GABRA4: variants seen among roughly 807,000 people sequenced by gnomAD.
GABRA4 encodes the protein gamma-aminobutyric acid receptor subunit alpha-4.
GABRA4 carries 12 observed loss-of-function variants against 49.7 expected under a neutral mutation model. The observed-to-expected ratio is 0.24, with a 90% CI of 0.15 to 0.39. The LOEUF is 0.39. Ranked by LOEUF, GABRA4 falls within the 10% of genes least tolerant of loss-of-function variation. GABRA4 has a pLI of 1.00. For missense variants in GABRA4, 506 were observed against 686.0 expected (o/e 0.74, Z 2.93); for synonymous variants, 288 against 240.2 (o/e 1.20, Z -1.84).
chr4:46,986,520 T>A (rs927503930), intron 2 of GABRA4, among the ~76,000 whole-genome samples: 2 of 152,100 alleles, frequency 1.3e-5, no homozygotes, highest in African/African-American at 4.8e-5. Context: ...TTAAGTCTTC[T>A]TGGGACAAAG....
intron 8 of GABRA4, among the ~76,000 whole-genome samples, chr4:46,936,513 G>C (rs1040990639): frequency 6.6e-6 from 1 of 152,140 alleles, no homozygotes; most frequent in Admixed American, 6.5e-5. Context: ...GCCTCCCAAA[G>C]TGCTGGGATT....
intron 8 of GABRA4, among the ~76,000 whole-genome samples, chr4:46,945,319 T>C (rs1721945630): frequency 6.6e-6 from 1 of 152,102 alleles, no homozygotes; most frequent in African/African-American, 2.4e-5. Context: ...GGTCAACTCC[T>C]ACATCAACCT....
intron 8 of GABRA4, among the ~76,000 whole-genome samples, chr4:46,930,191 G>T (rs1385132443): frequency 6.6e-6 from 1 of 152,004 alleles, no homozygotes; most frequent in African/African-American, 2.4e-5. Flanking sequence ...GGGTGCAGTT[G>T]AACTAATGAG....
At chr4:46,956,766 C>T (rs1722382405) in intron 8 of GABRA4, among the ~76,000 whole-genome samples, 1 of 151,930 alleles carries the variant, frequency 6.6e-6, no homozygotes, top group South Asian at 2.1e-4. Context: ...TTTTTGAAAA[C>T]TGGGGAAAAA....
At chr4:46,992,667 GTCT>G in intron 2 of GABRA4, 158 bp downstream of exon 2, 1 of 630,464 alleles carries the variant, frequency 1.6e-6, no homozygotes, top group Non-Finnish European at 2.9e-6. Flanking sequence ...GGTGGAGGCG[GTCT>G]TCTTGTCATA....
intron 2 of GABRA4, 36 bp downstream of exon 2, chr4:46,992,792 G>T: frequency 1.4e-6 from 2 of 1,432,788 alleles, no homozygotes; most frequent in Non-Finnish European, 2.0e-6. Flanking sequence ...GAGAGGGACA[G>T]ACAGGACACA....
intron 5 of GABRA4, among the ~76,000 whole-genome samples, chr4:46,975,047 G>T (rs73813759): frequency 1.3e-5 from 2 of 151,834 alleles, no homozygotes; most frequent in African/African-American, 2.4e-5. Flanking sequence ...AATCTCTCCC[G>T]GTGGCAATTT....
At chr4:46,969,593 A>G (rs1722879436) in intron 7 of GABRA4, among the ~76,000 whole-genome samples, 2 of 151,566 alleles carry the variant, frequency 1.3e-5, no homozygotes, top group African/African-American at 2.4e-5. Flanking sequence ...AACAAAATCT[A>G]TCTTCCTTAG....
intron 2 of GABRA4, among the ~76,000 whole-genome samples, chr4:46,985,315 T>C (rs113614952): frequency 1.8e-4 from 27 of 151,992 alleles, no homozygotes; most frequent in Middle Eastern, 3.2e-3. Context: ...GACAGGAAGA[T>C]AGGATGGAGG....
chr4:46,935,686 G>A (rs1485036636), intron 8 of GABRA4, among the ~76,000 whole-genome samples: 1 of 152,044 alleles, frequency 6.6e-6, no homozygotes, highest in African/African-American at 2.4e-5. Context: ...GGGGCTAGGG[G>A]AGGGATAGCA....
In GABRA4 at chr4:46,928,761, A is replaced by G; in HGVS notation, c.1135-6T>C. On this transcript the variant is annotated splice_polypyrimidine_tract_variant and splice_region_variant and intron_variant, in intron 8 of 8. Transcript: ENST00000264318. ...TTCAAATTGGCATTTGTATTCTGAAAAGGTATATGAAAAAATATATTGGTT... is the reference window on the plus strand; with the variant it reads ...TTCAAATTGGCATTTGTATTCTGAAGAGGTATATGAAAAAATATATTGGTT... 3 of 1,581,408 alleles carry G rather than the reference A, an allele frequency of 1.9e-6. No individual in the cohort carries two copies. The highest frequency in any genetic ancestry group is 2.6e-6 in the Non-Finnish European group (3 of 1,156,912).
Position 46,927,960 on chromosome 4 carries a change from T to C in GABRA4, c.*265A>G. 2 of 287,604 alleles carry C rather than the reference T, an allele frequency of 7.0e-6. No individual in the cohort carries two copies. Among genetic ancestry groups the C allele is most frequent in the Non-Finnish European group, 1.3e-5 (2 of 154,054 alleles). 17.8% of individuals were successfully genotyped at this position (287,604 alleles called of 1,614,324 possible). A position where few individuals can be genotyped will look rare whatever the true frequency, so the allele number is the denominator to read the frequency against. The stretch of plus-strand genomic sequence containing the variant: ...GCGCCACTTGTCTCTAATAGCTCTA[T>C]TTCTCTTATCCCAACTTTCCAGGAT... On this transcript the variant is annotated 3_prime_UTR_variant, in exon 9 of 9. Transcript: ENST00000264318.
intron 8 of GABRA4, among the ~76,000 whole-genome samples, chr4:46,947,997 G>A (rs1413591743): frequency 6.6e-6 from 1 of 152,098 alleles, no homozygotes; most frequent in African/African-American, 2.4e-5. Flanking sequence ...GGGGCTGTCA[G>A]CCAGAATGCC....
intron 8 of GABRA4, among the ~76,000 whole-genome samples, chr4:46,943,101 C>T (rs564065651): frequency 1.3e-5 from 2 of 152,026 alleles, no homozygotes; most frequent in East Asian, 1.9e-4. Context: ...TAGAGACCAG[C>T]CCAAAGTTCT....
chr4:46,975,569 CT>C (rs1723111458), intron 5 of GABRA4, among the ~76,000 whole-genome samples: 1 of 151,748 alleles, frequency 6.6e-6, no homozygotes, highest in African/African-American at 2.4e-5. Flanking sequence ...ATTAAAAATC[CT>C]TACCTGCTGA....
At chr4:46,954,993 T>C (rs549040279) in intron 8 of GABRA4, among the ~76,000 whole-genome samples, 2 of 152,246 alleles carry the variant, frequency 1.3e-5, no homozygotes, top group Admixed American at 1.3e-4. Context: ...AGATTAGAGA[T>C]AATTCATGTA....
In GABRA4 at chr4:46,974,309, G is replaced by A; in HGVS notation, c.644C>T (p.Pro215Leu). 1.9e-6 allele frequency: 3 copies of A among 1,611,608 alleles called. No homozygotes were observed. Among genetic ancestry groups the A allele is most frequent in the South Asian group, 1.1e-5 (1 of 90,944 alleles). The change falls in exon 6 of 9, where the codon CCG becomes CTG. Residue 215 changes from proline (P) to leucine (L), a missense_variant. Coordinates refer to ENST00000264318, the MANE Select transcript of GABRA4 (RefSeq NM_000809.4). ...TKGPEKSVEV[P>L]KESSSLVQYD... Reference sequence around the variant, plus strand: ...TTGAACTAAGCTGGAAGACTCCTTCGGAACTTCAACTGATTTCTCAGGACC... The same window carrying A: ...TTGAACTAAGCTGGAAGACTCCTTCAGAACTTCAACTGATTTCTCAGGACC...
rs1192321042 is a variant in GABRA4, at chr4:46,970,931, C to G, written c.874+152G>C. 5.9e-6 allele frequency: 4 copies of G among 678,800 alleles called. No individual in the cohort carries two copies. The East Asian group carries it at 1.2e-4, about 20-fold the overall frequency. The allele number at this position is 678,800 out of a possible 1,614,324, so 42.0% of individuals were successfully genotyped here. On this transcript the variant is annotated intron_variant, in intron 7 of 8. Transcript: ENST00000264318. ...GCCCAAATCTCCCCAAGCTTTATTA[C>G]TTTGTACTGGCTAGATAAAAATGAA... is the stretch of plus-strand genomic sequence containing the variant.
Position 46,964,976 on chromosome 4 carries a change from A to G in GABRA4, c.1128T>C (p.Pro376=). 1 of 1,596,730 alleles carries G rather than the reference A, an allele frequency of 6.3e-7. No homozygotes were observed. The highest frequency in any genetic ancestry group is 8.5e-7 in the Non-Finnish European group (1 of 1,170,516). ...GGTGGATTAAGTCAAATACCTGCAGAGGGGCTTCAGGATGCTTCTCTCTCT... is the reference window on the plus strand; with the variant it reads ...GGTGGATTAAGTCAAATACCTGCAGGGGGGCTTCAGGATGCTTCTCTCTCT... The part of the protein sequence containing the change: ...PVQREKHPEA[P]LQNTNANLNM... Residue 376 remains proline (P), a synonymous_variant, in exon 8 of 9, where the codon CCT becomes CCC. Transcript: ENST00000264318.
Sources: allele counts gnomAD v4.1 joint callset (sites outside exome capture counted in the v4.1 genomes callset), GRCh38; gene constraint gnomAD v4.1.1; transcripts MANE v1.5; gene names NCBI Gene and HGNC (gene_info 2026-07-23, HGNC 2026-07-21).